The following GALNT13 variants were observed in gnomAD, a reference collection of about 807,000 sequenced individuals.
The protein encoded by GALNT13 is UDP-GalNAc:polypeptide N-acetylgalactosaminyltransferase 13.
GALNT13 carries 28 observed loss-of-function variants against 64.2 expected under a neutral mutation model. The observed-to-expected ratio is 0.44, with a 90% CI of 0.32 to 0.60. The LOEUF is 0.60. GALNT13 is among the 20% of genes least tolerant of loss of function. The pLI, the probability that GALNT13 is intolerant of heterozygous loss-of-function variation, is 0.05. For missense variants in GALNT13, 577 were observed against 669.8 expected, an observed-to-expected ratio of 0.86 and a Z score of 1.53; for synonymous variants, 214 against 224.6, an observed-to-expected ratio of 0.95 and a Z score of 0.42.
chr2:153,119,172 C>G, the GALNT13 span, among the ~76,000 whole-genome samples: 2 of 152,068 alleles, frequency 1.3e-5, no homozygotes, highest in African/African-American at 4.8e-5. Context: ...AAACCTCTTT[C>G]CTTTATAAAT....
At chr2:153,930,797 C>G (rs1010310807) in intron 2 of GALNT13, among the ~76,000 whole-genome samples, 1 of 151,980 alleles carries the variant, frequency 6.6e-6, no homozygotes, top group Non-Finnish European at 1.5e-5. Context: ...ATTGCTTTGG[C>G]TATCTGGGCT....
the GALNT13 span, among the ~76,000 whole-genome samples, chr2:153,202,358 T>C: frequency 6.6e-6 from 1 of 152,234 alleles, no homozygotes; most frequent in Non-Finnish European, 1.5e-5. Flanking sequence ...TTATTCATAA[T>C]ATACAGGTGT....
upstream of GALNT13, among the ~76,000 whole-genome samples, chr2:153,869,390 T>C (rs1391306953): frequency 6.6e-6 from 1 of 152,188 alleles, no homozygotes; most frequent in Non-Finnish European, 1.5e-5. Context: ...GTAGTCATGG[T>C]TTTTAAATCT....
chr2:154,085,744 A>G (rs1701489766), intron 3 of GALNT13, among the ~76,000 whole-genome samples: 1 of 152,028 alleles, frequency 6.6e-6, no homozygotes, highest in South Asian at 2.1e-4. Context: ...CTTTTAATAA[A>G]TAAATCATTC....
At chr2:153,569,076 G>A in the GALNT13 span, among the ~76,000 whole-genome samples, 1 of 152,114 alleles carries the variant, frequency 6.6e-6, no homozygotes, top group Non-Finnish European at 1.5e-5. Flanking sequence ...GAACATTTTA[G>A]TACATGTCTT....
the GALNT13 span, among the ~76,000 whole-genome samples, chr2:153,819,293 C>T: frequency 6.6e-6 from 1 of 152,156 alleles, no homozygotes; most frequent in Non-Finnish European, 1.5e-5. Flanking sequence ...GTTGCAAATT[C>T]ATCATTTCCC....
chr2:153,232,778 A>G, the GALNT13 span, among the ~76,000 whole-genome samples: 1 of 152,214 alleles, frequency 6.6e-6, no homozygotes, highest in African/African-American at 2.4e-5. Context: ...AGCACTGGCC[A>G]GCTACCCTAT....
the GALNT13 span, among the ~76,000 whole-genome samples, chr2:153,730,407 A>G: frequency 6.6e-6 from 1 of 151,976 alleles, no homozygotes; most frequent in African/African-American, 2.4e-5. Flanking sequence ...TAGAAGACTG[A>G]ACTGCTTTCT....
the GALNT13 span, among the ~76,000 whole-genome samples, chr2:153,154,402 C>T: frequency 2.6e-5 from 4 of 152,078 alleles, no homozygotes; most frequent in Admixed American, 6.6e-5. Context: ...GTCTCTTTTT[C>T]TTTATAAATT....
At chr2:153,603,307 C>T in the GALNT13 span, among the ~76,000 whole-genome samples, 2 of 151,932 alleles carry the variant, frequency 1.3e-5, no homozygotes, top group East Asian at 3.9e-4. Context: ...ATAGCAGCGA[C>T]TCATGTCAGA....
chr2:154,334,384 A>G (rs1331662209), intron 9 of GALNT13, among the ~76,000 whole-genome samples: 1 of 144,406 alleles, frequency 6.9e-6, no homozygotes, highest in Non-Finnish European at 1.6e-5. Context: ...ATTTATATCT[A>G]TGAAATCAAT....
the GALNT13 span, among the ~76,000 whole-genome samples, chr2:153,181,811 ATTATAT>A: frequency 6.9e-6 from 1 of 145,942 alleles, no homozygotes; most frequent in South Asian, 2.1e-4. Flanking sequence ...TACTTACATA[ATTATAT>A]TTATATAATA....
At chr2:154,454,900 A>G (rs2105516671), downstream of GALNT13, among the ~76,000 whole-genome samples, 1 of 152,232 alleles carries the variant, frequency 6.6e-6, no homozygotes, top group East Asian at 1.9e-4. Flanking sequence ...TCTTCAGGTT[A>G]AAAGTAAGGT....
At chr2:153,647,373 T>C in the GALNT13 span, among the ~76,000 whole-genome samples, 16 of 152,204 alleles carry the variant, frequency 1.1e-4, no homozygotes, top group African/African-American at 3.6e-4. Flanking sequence ...TAGCCCTTTG[T>C]CAGATGAGTA....
the GALNT13 span, among the ~76,000 whole-genome samples, chr2:153,632,132 T>C: frequency 6.6e-6 from 1 of 152,206 alleles, no homozygotes; most frequent in Non-Finnish European, 1.5e-5. Context: ...GATATGTTTT[T>C]CCTGCTGTAA....
chr2:153,694,829 C>A, the GALNT13 span, among the ~76,000 whole-genome samples: 1 of 152,042 alleles, frequency 6.6e-6, no homozygotes, highest in Non-Finnish European at 1.5e-5. Context: ...TATGTCCGGA[C>A]AATAAAGTTT....
At chr2:154,106,215 A>C (rs944334787) in intron 3 of GALNT13, among the ~76,000 whole-genome samples, 1 of 152,144 alleles carries the variant, frequency 6.6e-6, no homozygotes, top group Non-Finnish European at 1.5e-5. Context: ...TTCTTATTTC[A>C]TGGATCATGC....
chr2:154,063,718 A>G (rs921759725), intron 3 of GALNT13, among the ~76,000 whole-genome samples: 1 of 152,188 alleles, frequency 6.6e-6, no homozygotes, highest in Non-Finnish European at 1.5e-5. Flanking sequence ...ATACAATTTT[A>G]CTCTCATAAA....
At chr2:154,385,647 A>G (rs1285454581) in intron 9 of GALNT13, among the ~76,000 whole-genome samples, 1 of 152,032 alleles carries the variant, frequency 6.6e-6, no homozygotes, top group African/African-American at 2.4e-5. Flanking sequence ...ATGTGTATCC[A>G]AAAGTGCTTA....
Sources: gnomAD v4.1 joint callset for allele counts (sites outside exome capture counted in the v4.1 genomes callset) on GRCh38, gnomAD v4.1.1 for gene constraint, MANE v1.5 for transcripts, NCBI Gene and HGNC (gene_info 2026-07-23, HGNC 2026-07-21) for gene names.